The following BCORL1 variants were observed in gnomAD, a reference collection of about 807,000 sequenced individuals.
BCORL1 encodes BCL6 corepressor like 1.
In BCORL1, 7 loss-of-function variants were observed where a neutral mutation model predicts 87.6. That is an observed-to-expected ratio of 0.08 (90% CI 0.05 to 0.15). The LOEUF (loss-of-function observed/expected upper bound fraction) is 0.15, where lower values mean the gene tolerates loss of function less well. Ranked by LOEUF, BCORL1 falls within the 10% of genes least tolerant of loss-of-function variation. BCORL1 has a pLI of 1.00. For missense variants in BCORL1, 1,215 were observed against 1,499.7 expected (o/e 0.81, Z 3.13); for synonymous variants, 591 against 634.4 (o/e 0.93, Z 1.03).
Position 130,056,492 on chromosome X carries a change from T to C in BCORL1, c.*356T>C, listed in dbSNP as rs765506303. On this transcript the variant is annotated 3_prime_UTR_variant, in exon 14 of 14. Coordinates refer to ENST00000540052, the MANE Select transcript of BCORL1 (RefSeq NM_001379451.1). The stretch of plus-strand genomic sequence containing the variant: ...ACCTGGGCCCTGGATGGCCTTGGCC[T>C]GTCCCGAGGAGAAATGAGAAAATCC... 7 of 167,503 alleles carry C rather than the reference T, an allele frequency of 4.2e-5. No homozygotes were observed. In the East Asian group the frequency reaches 8.9e-4, roughly 21 times the overall value. The allele number at this position is 167,503 out of a possible 1,213,427, so 13.8% of individuals were successfully genotyped here. A position where few individuals can be genotyped will look rare whatever the true frequency, so the allele number is the denominator to read the frequency against.
In BCORL1 at chrX:130,013,695, C is replaced by T; in HGVS notation, c.923C>T (p.Pro308Leu). Residue 308 changes from proline (P) to leucine (L), a missense_variant, in exon 4 of 14, where the codon CCA becomes CTA. This residue lies in a region of BCORL1 where 861 missense variants were observed against 1,010.0 expected (regional missense o/e 0.85). Coordinates refer to ENST00000540052, the MANE Select transcript of BCORL1 (RefSeq NM_001379451.1). ...SAPAPAPLSV[P>L]VSAPPLALIQ... Reference sequence around the variant, plus strand: ...CCAGCTCCTGCCCCGCTTTCAGTCCCAGTTTCAGCTCCTCCCTTGGCTCTC... The same window carrying T: ...CCAGCTCCTGCCCCGCTTTCAGTCCTAGTTTCAGCTCCTCCCTTGGCTCTC... 8.3e-7 allele frequency: 1 copy of T among 1,210,734 alleles called. No homozygotes were observed. The highest frequency in any genetic ancestry group is 1.1e-6 in the Non-Finnish European group (1 of 895,026).
At chrX:129,984,297 A>T (rs1227726352) in intron 1 of BCORL1, among the ~76,000 whole-genome samples, 1 of 65,433 alleles carries the variant, frequency 1.5e-5, no homozygotes, top group African/African-American at 6.1e-5. Flanking sequence ...CAGAGGGCGC[A>T]GGCGGCGCGC....
intron 1 of BCORL1, among the ~76,000 whole-genome samples, chrX:130,004,544 C>T (rs1322714462): frequency 1.8e-5 from 2 of 111,912 alleles, no homozygotes; most frequent in Non-Finnish European, 3.8e-5. Context: ...CGCGCCCTGC[C>T]GAAACACGTA....
At position 130,034,430 on chromosome X, in the gene BCORL1, C is replaced by T. The variant is rs745678173; in HGVS notation, c.4306-25C>T. 76 of 971,054 alleles carry T rather than the reference C, an allele frequency of 7.8e-5. No individual in the cohort carries two copies. The South Asian group carries it at 1.4e-3, about 18-fold the overall frequency. 80.0% of individuals were successfully genotyped at this position (971,054 alleles called of 1,213,427 possible). On this transcript the variant is annotated intron_variant, in intron 8 of 13. Coordinates refer to ENST00000540052, the MANE Select transcript of BCORL1 (RefSeq NM_001379451.1). The stretch of plus-strand genomic sequence containing the variant: ...GATAAGCTGCCTGGCCTGACCTGAC[C>T]TAGGACTGCATCTCTGCTTTCCAGG...
chrX:130,029,480 A>G (rs1385933229), intron 8 of BCORL1, among the ~76,000 whole-genome samples: 1 of 111,339 alleles, frequency 9.0e-6, no homozygotes, highest in African/African-American at 3.3e-5. Context: ...GTTAGGTTGC[A>G]TGTTGTATCC....
chrX:130,005,646 C>T (rs973905606), intron 2 of BCORL1, among the ~76,000 whole-genome samples: 6 of 110,745 alleles, frequency 5.4e-5, no homozygotes, highest in Non-Finnish European at 7.6e-5. Context: ...GACAGAGCCT[C>T]GCTTTGTCAT....
In BCORL1 at chrX:130,003,767, G is replaced by A. The variant is rs768188658; in HGVS notation, c.-44-1421G>A. On this transcript the variant is annotated intron_variant, in intron 1 of 13. Transcript: ENST00000540052. ...GTTTATTGTCCATGTCATCCCCCTG[G>A]GATGTAAGCTCCACACGGGCAGGCA... 1.7e-4 allele frequency among the ~76,000 whole-genome samples: 19 copies of A among 111,844 alleles called. No homozygotes were observed. In the South Asian group the frequency reaches 6.3e-3, roughly 37 times the overall value.
chrX:129,991,915 C>T (rs1212713311), intron 1 of BCORL1, among the ~76,000 whole-genome samples: 3 of 94,640 alleles, frequency 3.2e-5, no homozygotes, highest in South Asian at 5.2e-4. Flanking sequence ...CCATCCACCT[C>T]GGCCTCCCAA....
intron 8 of BCORL1, among the ~76,000 whole-genome samples, chrX:130,032,410 T>C (rs1180624811): frequency 8.9e-6 from 1 of 112,247 alleles, no homozygotes; most frequent in African/African-American, 3.2e-5. Flanking sequence ...ACACGGCAGC[T>C]GGCTTTCCCC....
intron 8 of BCORL1, among the ~76,000 whole-genome samples, chrX:130,030,702 C>T (rs1419924557): frequency 9.0e-6 from 1 of 110,646 alleles, no homozygotes; most frequent in African/African-American, 3.3e-5. Flanking sequence ...TCCCCTTCCC[C>T]CTGTTCCTCC....
intron 10 of BCORL1, among the ~76,000 whole-genome samples, chrX:130,038,924 G>C (rs1321393184): frequency 8.9e-6 from 1 of 111,877 alleles, no homozygotes; most frequent in Non-Finnish European, 1.9e-5. Context: ...ATGGGAGGGA[G>C]GAAAAGGGGG....
intron 1 of BCORL1, among the ~76,000 whole-genome samples, chrX:129,987,669 T>C (rs1218823714): frequency 9.0e-6 from 1 of 110,941 alleles, no homozygotes; most frequent in African/African-American, 3.3e-5. Context: ...GATAAAAAAC[T>C]GAGTGACATG....
chrX:130,022,236 CTTTTTTTTTTTTT>C lies in BCORL1; in HGVS notation c.3608-644_3608-632del, dbSNP rs34598574. 2.5e-4 allele frequency among the ~76,000 whole-genome samples: 14 copies of C among 56,310 alleles called. No individual in the cohort carries two copies. In the East Asian group the frequency reaches 5.9e-3, roughly 24 times the overall value. The allele number at this position is 56,310 out of a possible 115,157, so 48.9% of individuals were successfully genotyped here. Reference sequence around the variant, plus strand: ...CTTTGTTTATTTTCTTTCTTTCTTTCTTTTTTTTTTTTTTTTTTTTTTTTTTTTTGAGATGGAG... The same window carrying C: ...CTTTGTTTATTTTCTTTCTTTCTTTCTTTTTTTTTTTTTTTTGAGATGGAG... On this transcript the variant is annotated intron_variant, in intron 5 of 13. Transcript: ENST00000540052.
chrX:130,046,577 C>T (rs1036454872), intron 11 of BCORL1, among the ~76,000 whole-genome samples: 8 of 108,352 alleles, frequency 7.4e-5, no homozygotes, highest in African/African-American at 2.4e-4. Flanking sequence ...GACGGAGTCT[C>T]GCTCTGTCAC....
At chrX:130,020,209 T>C (rs777392917) in intron 4 of BCORL1, among the ~76,000 whole-genome samples, 3 of 112,283 alleles carry the variant, frequency 2.7e-5, no homozygotes, top group South Asian at 3.7e-4. Context: ...AGTGGACACA[T>C]GGGATTGTGT....
intron 1 of BCORL1, among the ~76,000 whole-genome samples, chrX:130,003,975 G>C (rs766918416): frequency 8.9e-6 from 1 of 112,156 alleles, no homozygotes; most frequent in South Asian, 3.7e-4. Flanking sequence ...GGAAAGTGGA[G>C]AACAGCATTC....
chrX:130,012,498 C>A, intron 2 of BCORL1, 80 bp from the exon 3 acceptor site: 2 of 838,244 alleles, frequency 2.4e-6, no homozygotes, highest in Non-Finnish European at 3.5e-6. Flanking sequence ...CCCAGGCAGG[C>A]AGGAGGCATT....
chrX:130,037,487 C>T lies in BCORL1; in HGVS notation c.4648C>T (p.Leu1550=), dbSNP rs1319371918. Residue 1550 remains leucine, a synonymous_variant, in exon 10 of 14, where the codon CTG becomes TTG. Transcript: ENST00000540052. ...RGWTDILNIL[L]EHGANVNCSA... ...CTGGACCGACATCCTGAACATCCTG[C>T]TGGAGCACGGGGCCAACGTGAACTG... 1.7e-6 allele frequency: 2 copies of T among 1,209,781 alleles called. No homozygotes were observed. Among genetic ancestry groups the T allele is most frequent in the Non-Finnish European group, 2.2e-6 (2 of 895,150 alleles).
rs1209945415 is a variant in BCORL1 at position 130,013,668 on chromosome X, C to T, written c.896C>T (p.Ala299Val). 8.3e-7 allele frequency: 1 copy of T among 1,211,576 alleles called. No individual in the cohort carries two copies. Residue 299 changes from alanine to valine, a missense_variant, in exon 4 of 14, where the codon GCT (alanine) becomes GTT (valine). This residue lies in a region of BCORL1 where 861 missense variants were observed against 1,010.0 expected (regional missense o/e 0.85). Coordinates refer to ENST00000540052, the MANE Select transcript of BCORL1 (RefSeq NM_001379451.1). Reference protein sequence around the residue: ...APPSGPVPLSAPAPAPLSVPV... With the variant: ...APPSGPVPLSVPAPAPLSVPV... ...CCTTCAGGCCCGGTTCCCTTGTCGG[C>T]TCCAGCTCCTGCCCCGCTTTCAGTC...
Sources: allele counts gnomAD v4.1 joint callset (sites outside exome capture counted in the v4.1 genomes callset), GRCh38; gene constraint gnomAD v4.1.1; regional missense constraint gnomAD v4.1.1; transcripts MANE v1.5; gene names NCBI Gene and HGNC (gene_info 2026-07-23, HGNC 2026-07-21).